Variants in CSNK1D observed in about 807,000 individuals in gnomAD.
CSNK1D encodes casein kinase I isoform delta.
A neutral mutation model predicts 46.6 loss-of-function variants in CSNK1D; 16 were observed. The observed-to-expected ratio is 0.34, with a 90% CI of 0.23 to 0.52. The LOEUF (loss-of-function observed/expected upper bound fraction) is 0.52, where lower values mean the gene tolerates loss of function less well. Among genes scored for constraint, CSNK1D ranks in the 20% least tolerant of loss-of-function variants. CSNK1D has a pLI of 0.95. For missense variants in CSNK1D, 398 were observed against 578.4 expected, an observed-to-expected ratio of 0.69 and a Z score of 3.20; for synonymous variants, 276 against 228.2, an observed-to-expected ratio of 1.21 and a Z score of -1.89.
chr17:82,250,198 T>C lies in CSNK1D; in HGVS notation c.886-596A>G. The C allele has an allele frequency of 7.8e-7, 1 of 1,289,830 alleles. No individual in the cohort carries two copies. The highest frequency in any genetic ancestry group is 1.0e-6 in the Non-Finnish European group (1 of 988,876). The allele number at this position is 1,289,830 out of a possible 1,614,324, so 79.9% of individuals were successfully genotyped here. A position where few individuals can be genotyped will look rare whatever the true frequency, so the allele number is the denominator to read the frequency against. Reference sequence around the variant, plus strand: ...CAGCAACCTATGAAAAAGCAGATTCTAACTGCCAATGCTGTGCGGCAGGGG... The same window carrying C: ...CAGCAACCTATGAAAAAGCAGATTCCAACTGCCAATGCTGTGCGGCAGGGG... On this transcript the variant is annotated intron_variant, in intron 6 of 8. Transcript: ENST00000314028. This position sits in a 1 kb window ranked among gnomAD's most constrained non-coding sequence, Gnocchi z 4.6.
At chr17:82,261,420 T>C (rs976793055) in intron 2 of CSNK1D, among the ~76,000 whole-genome samples, 2 of 152,050 alleles carry the variant, frequency 1.3e-5, no homozygotes, top group African/African-American at 4.8e-5. Flanking sequence ...GGGATAAAAA[T>C]CGGGTGGACA....
At chr17:82,262,606 C>A (rs1287222925) in intron 2 of CSNK1D, among the ~76,000 whole-genome samples, 1 of 152,094 alleles carries the variant, frequency 6.6e-6, no homozygotes, top group Admixed American at 6.6e-5. Context: ...TCAGAGATAG[C>A]AGGACAATCT....
At chr17:82,267,866 T>C (rs955862107) in intron 1 of CSNK1D, among the ~76,000 whole-genome samples, 2 of 152,180 alleles carry the variant, frequency 1.3e-5, no homozygotes, top group Admixed American at 6.5e-5. Context: ...GGCCGATGGC[T>C]TGGGGCCACA....
At chr17:82,246,267 A>C in intron 8 of CSNK1D, 1 of 1,447,108 alleles carries the variant, frequency 6.9e-7, no homozygotes, top group Non-Finnish European at 9.1e-7. Flanking sequence ...CTTAAGGCCA[A>C]CAATGGCATG....
intron 2 of CSNK1D, among the ~76,000 whole-genome samples, chr17:82,257,113 CCATGCCCAGCT>C (rs2051193166): frequency 6.6e-6 from 1 of 152,168 alleles, no homozygotes; most frequent in South Asian, 2.1e-4. Context: ...GTGGGCGCCA[CCATGCCCAGCT>C]CATTTTACTG....
At chr17:82,247,090 G>GC (rs1599576994) in intron 8 of CSNK1D, 5 of 985,462 alleles carry the variant, frequency 5.1e-6, no homozygotes, top group African/African-American at 1.7e-5. Context: ...TCTCAGGAAG[G>GC]CCCCCCAGGG....
Position 82,243,377 on chromosome 17 carries a change from G to C in CSNK1D, c.*1404C>G. ...AGACTGCCCTGCGCATTGGGGTTGG[G>C]AGCACATGGCCACTGGCTACCGCCC... On this transcript the variant is annotated 3_prime_UTR_variant, in exon 9 of 9. Transcript: ENST00000314028. 13 of 985,582 alleles carry C rather than the reference G, an allele frequency of 1.3e-5. No individual in the cohort carries two copies. The highest frequency in any genetic ancestry group is 1.4e-5 in the Non-Finnish European group (12 of 830,012). The allele number at this position is 985,582 out of a possible 1,614,324, so 61.1% of individuals were successfully genotyped here.
chr17:82,257,253 T>C (rs1411191358), intron 2 of CSNK1D, among the ~76,000 whole-genome samples: 2 of 152,178 alleles, frequency 1.3e-5, no homozygotes, highest in Non-Finnish European at 2.9e-5. Flanking sequence ...ACTAAACCAC[T>C]GCAGGTTTTT....
chr17:82,242,175 C>T (rs2050749263), downstream of CSNK1D, among the ~76,000 whole-genome samples: 1 of 151,300 alleles, frequency 6.6e-6, no homozygotes, highest in African/African-American at 2.4e-5. Context: ...CCTGACAGCC[C>T]CCGCAGGCCT....
rs754293657 is a variant in CSNK1D at position 82,244,815 on chromosome 17, G to C, written c.1214C>G (p.Ala405Gly). ...MSTSQIPGRVASSGLQSVVHR is the reference protein window; with the variant it reads ...MSTSQIPGRVGSSGLQSVVHR Reference sequence around the variant, plus strand: ...CACGACAGACTGAAGACCACTGGAAGCCACCCGACCAGGAATCTGTCGGAG... The same window carrying C: ...CACGACAGACTGAAGACCACTGGAACCCACCCGACCAGGAATCTGTCGGAG... The change falls in exon 9 of 9, where the codon GCT (alanine) becomes GGT (glycine). Residue 405 changes from alanine (A) to glycine (G), a missense_variant. By Grantham distance (60) the Ala-to-Gly change is moderately conservative. Coordinates refer to ENST00000314028, the MANE Select transcript of CSNK1D (RefSeq NM_001893.6). 5 of 1,613,906 alleles carry C rather than the reference G, an allele frequency of 3.1e-6. No individual in the cohort carries two copies. The highest frequency in any genetic ancestry group is 4.2e-6 in the Non-Finnish European group (5 of 1,180,036).
rs866270022 is a variant in CSNK1D at position 82,247,218 on chromosome 17, G to C, written c.1197+1657C>G. The C allele has an allele frequency of 1.1e-5, 11 of 985,414 alleles. No homozygotes were observed. The South Asian group carries it at 4.2e-4, about 38-fold the overall frequency. 61.0% of individuals were successfully genotyped at this position (985,414 alleles called of 1,614,324 possible). A position where few individuals can be genotyped will look rare whatever the true frequency, so the allele number is the denominator to read the frequency against. ...CGTTGTATTTCCTCATATGGAAAACGAGGGCCTAAGAGCCAGCTGCGGGTT... is the reference window on the plus strand; with the variant it reads ...CGTTGTATTTCCTCATATGGAAAACCAGGGCCTAAGAGCCAGCTGCGGGTT... On this transcript the variant is annotated intron_variant, in intron 8 of 8. Coordinates refer to ENST00000314028, the MANE Select transcript of CSNK1D (RefSeq NM_001893.6).
Position 82,242,853 on chromosome 17 carries a change from G to A in CSNK1D, c.*1928C>T, listed in dbSNP as rs2050762396. 1.0e-6 allele frequency: 1 copy of A among 985,468 alleles called. No individual in the cohort carries two copies. The highest frequency in any genetic ancestry group is 1.2e-6 in the Non-Finnish European group (1 of 829,936). The allele number at this position is 985,468 out of a possible 1,614,324, so 61.0% of individuals were successfully genotyped here. A position where few individuals can be genotyped will look rare whatever the true frequency, so the allele number is the denominator to read the frequency against. On this transcript the variant is annotated 3_prime_UTR_variant, in exon 9 of 9. Coordinates refer to ENST00000314028, the MANE Select transcript of CSNK1D (RefSeq NM_001893.6). ...CAAGGACTGTCACAAGCACTCCGAAGACGCGACCCGGCGAGGCTCGGGCTG... is the reference window on the plus strand; with the variant it reads ...CAAGGACTGTCACAAGCACTCCGAAAACGCGACCCGGCGAGGCTCGGGCTG...
At position 82,255,454 on chromosome 17, in the gene CSNK1D, G is replaced by A; in HGVS notation, c.311C>T (p.Thr104Ile). 6.2e-7 allele frequency: 1 copy of A among 1,614,176 alleles called. No homozygotes were observed. ...CATTTGGTCAGCAAGCAGCAGGACG[G>A]TTTTGAGGCTGAATTTCCTGGAGCA... ...NFCSRKFSLK[T>I]VLLLADQMIS... The change falls in exon 3 of 9, where the codon ACC becomes ATC. Residue 104 changes from threonine (T) to isoleucine (I), a missense_variant. Physicochemically the swap from Thr to Ile is moderately conservative, Grantham distance 89. Coordinates refer to ENST00000314028, the MANE Select transcript of CSNK1D (RefSeq NM_001893.6). This position sits in a 1 kb window ranked among gnomAD's most constrained non-coding sequence, Gnocchi z 5.9.
chr17:82,245,707 G>C (rs2050833102), intron 8 of CSNK1D: 1 of 486,120 alleles, frequency 2.1e-6, no homozygotes, highest in Non-Finnish European at 3.8e-6. Context: ...ACGGCACACG[G>C]AACGCAGTCA....
Position 82,248,999 on chromosome 17 carries a change from C to G in CSNK1D, c.1073G>C (p.Arg358Pro). 6.4e-7 allele frequency: 1 copy of G among 1,562,966 alleles called. No individual in the cohort carries two copies. Among genetic ancestry groups the G allele is most frequent in the Non-Finnish European group, 8.7e-7 (1 of 1,152,758 alleles). The change falls in exon 8 of 9, where the codon CGG (arginine) becomes CCG (proline). Residue 358 changes from arginine (R) to proline (P), a missense_variant. By Grantham distance (103) the Arg-to-Pro change is moderately radical (BLOSUM62 -2). Coordinates refer to ENST00000314028, the MANE Select transcript of CSNK1D (RefSeq NM_001893.6). This position sits in a 1 kb window ranked among gnomAD's most constrained non-coding sequence, Gnocchi z 4.1. ...CTCTCTCTCCATGCCGGAGACGGGC[C>G]GGGGGGAGGTGTTAGCTGAGGACAG... ...PTSHTANTSP[R>P]PVSGMERERK...
At chr17:82,239,172 C>T (rs116904469), downstream of CSNK1D, 3,609 of 516,706 alleles carry the variant, frequency 7.0e-3, 177 homozygotes, top group East Asian at 0.11. Context: ...AGTGGATCTG[C>T]GGTGAAGCCA....
At chr17:82,259,021 T>C (rs898871577) in intron 2 of CSNK1D, among the ~76,000 whole-genome samples, 1 of 152,226 alleles carries the variant, frequency 6.6e-6, no homozygotes, top group Non-Finnish European at 1.5e-5. Context: ...GAAAGAGAAG[T>C]GGCTGGATGT....
In CSNK1D at chr17:82,249,942, G is replaced by C; in HGVS notation, c.886-340C>G. The stretch of plus-strand genomic sequence containing the variant: ...CTCACTAACACGTGCAGAAAGAGGA[G>C]AGGGACAGGAACCATCGGAGGCCAA... On this transcript the variant is annotated intron_variant, in intron 6 of 8. Transcript: ENST00000314028. This position sits in a 1 kb window ranked among gnomAD's most constrained non-coding sequence, Gnocchi z 6.7. The C allele has an allele frequency of 1.6e-6, 2 of 1,275,270 alleles. No homozygotes were observed. The highest frequency in any genetic ancestry group is 3.0e-5 in the South Asian group (2 of 65,792). 79.0% of individuals were successfully genotyped at this position (1,275,270 alleles called of 1,614,324 possible). A position where few individuals can be genotyped will look rare whatever the true frequency, so the allele number is the denominator to read the frequency against.
chr17:82,251,828 A>T lies in CSNK1D; in HGVS notation c.737-301T>A. On this transcript the variant is annotated intron_variant, in intron 5 of 8. Coordinates refer to ENST00000314028, the MANE Select transcript of CSNK1D (RefSeq NM_001893.6). The surrounding 1 kb of genome is among the most constrained non-coding windows in gnomAD (Gnocchi z 4.5). ...ACACAGTGAAACCCCATCTCTACTGAAAAAAAAAAAAAAAAAGTTCTAGAG... is the reference window on the plus strand; with the variant it reads ...ACACAGTGAAACCCCATCTCTACTGTAAAAAAAAAAAAAAAAGTTCTAGAG... 1 of 134,484 alleles carries T rather than the reference A, an allele frequency of 7.4e-6. No individual in the cohort carries two copies. The highest frequency in any genetic ancestry group is 1.4e-5 in the Non-Finnish European group (1 of 71,238). The allele number at this position is 134,484 out of a possible 1,614,324, so 8.3% of individuals were successfully genotyped here.
Sources: gnomAD v4.1 joint callset for allele counts (sites outside exome capture counted in the v4.1 genomes callset) on GRCh38, gnomAD v4.1.1 for gene constraint, Gnocchi (gnomAD v3.1) non-coding constraint, MANE v1.5 for transcripts, NCBI Gene and HGNC (gene_info 2026-07-23, HGNC 2026-07-21) for gene names.